COG6: variants seen among roughly 807,000 people sequenced by gnomAD.
COG6 encodes the protein conserved oligomeric Golgi complex subunit 6.
In COG6, 74 loss-of-function variants were observed where a neutral mutation model predicts 88.8. The observed-to-expected ratio is 0.83, with a 90% confidence interval of 0.69 to 1.01. COG6 has a LOEUF of 1.01. Among genes scored for constraint, COG6 ranks in the 50% least tolerant of loss-of-function variants. The pLI, the probability that COG6 is intolerant of heterozygous loss-of-function variation, is 0.00. For missense variants in COG6, 800 were observed against 797.9 expected (o/e 1.00, Z -0.03); for synonymous variants, 286 against 278.7 (o/e 1.03, Z -0.26).
At chr13:39,706,255 T>TTA (rs71298976) in intron 13 of COG6, among the ~76,000 whole-genome samples, 43,391 of 114,554 alleles carry the variant, frequency 0.38, 9,798 homozygotes, top group Non-Finnish European at 0.46. Context: ...ATATACTCCT[T>TTA]TATATATATA....
intron 18 of COG6, among the ~76,000 whole-genome samples, chr13:39,772,483 G>T (rs890593242): frequency 1.3e-5 from 2 of 152,198 alleles, no homozygotes; most frequent in African/African-American, 4.8e-5. Flanking sequence ...TTTGAGGGTT[G>T]AGGGCTGGAT....
intron 18 of COG6, among the ~76,000 whole-genome samples, chr13:39,745,784 G>A (rs556361933): frequency 6.6e-6 from 1 of 152,128 alleles, no homozygotes; most frequent in East Asian, 1.9e-4. Flanking sequence ...ACATGCACAC[G>A]TATGTTTATT....
At chr13:39,669,571 A>G (rs1028965400) in intron 4 of COG6, among the ~76,000 whole-genome samples, 10 of 152,222 alleles carry the variant, frequency 6.6e-5, no homozygotes, top group African/African-American at 2.2e-4. Context: ...TACAGATTCA[A>G]TAAATAATTT....
At chr13:39,672,499 A>G (rs766746625) in intron 4 of COG6, among the ~76,000 whole-genome samples, 1 of 152,012 alleles carries the variant, frequency 6.6e-6, no homozygotes, top group Non-Finnish European at 1.5e-5. Flanking sequence ...TCATGCAAAT[A>G]AGATCATACA....
chr13:39,672,874 T>G (rs1875735811), intron 4 of COG6, among the ~76,000 whole-genome samples: 1 of 152,044 alleles, frequency 6.6e-6, no homozygotes, highest in South Asian at 2.1e-4. Flanking sequence ...CATATGAGGA[T>G]TCCAGTTTCT....
intron 16 of COG6, among the ~76,000 whole-genome samples, chr13:39,723,865 T>G (rs1028008353): frequency 6.6e-6 from 1 of 152,090 alleles, no homozygotes; most frequent in Non-Finnish European, 1.5e-5. Flanking sequence ...AGCAGTCATC[T>G]TCTTTTTAAT....
intron 11 of COG6, among the ~76,000 whole-genome samples, chr13:39,693,194 G>A (rs1462698567): frequency 6.6e-6 from 1 of 151,960 alleles, no homozygotes; most frequent in East Asian, 1.9e-4. Flanking sequence ...TATTGTAGCT[G>A]TTGTATTCTT....
chr13:39,660,247 G>C (rs1874812136), intron 2 of COG6, among the ~76,000 whole-genome samples: 1 of 152,060 alleles, frequency 6.6e-6, no homozygotes, highest in Admixed American at 6.6e-5. Flanking sequence ...TGTAGTGGCT[G>C]TTCCCAGGTA....
rs1159238506 is a variant in COG6, at chr13:39,699,525, T to C, written c.1191T>C (p.Thr397=). 1 of 1,585,116 alleles carries C rather than the reference T, an allele frequency of 6.3e-7. No homozygotes were observed. Among genetic ancestry groups the C allele is most frequent in the Middle Eastern group, 1.7e-4 (1 of 5,948 alleles). The part of the protein sequence containing the change: ...TISGIVGNSA[T]ALLTTIEEMH... ...GTGGTATTGTTGGAAATAGTGCAAC[T>C]GCATTATTGACTACCATTGAAGAAA... Residue 397 remains threonine, a synonymous_variant, in exon 13 of 19, where the codon ACT becomes ACC. Transcript: ENST00000455146.
At chr13:39,689,927 AT>A (rs1400258996) in intron 11 of COG6, 103 bp downstream of exon 11, 1 of 723,260 alleles carries the variant, frequency 1.4e-6, no homozygotes, top group Non-Finnish European at 2.4e-6. Context: ...ACAATCTATA[AT>A]TTTTTCAAAT....
At chr13:39,714,369 C>G (rs1314379567) in intron 13 of COG6, among the ~76,000 whole-genome samples, 1 of 151,372 alleles carries the variant, frequency 6.6e-6, no homozygotes, top group Admixed American at 6.6e-5. Flanking sequence ...TATTTGCAAA[C>G]TACGTATCTG....
At chr13:39,761,711 C>T (rs958216260) in intron 18 of COG6, among the ~76,000 whole-genome samples, 19 of 149,714 alleles carry the variant, frequency 1.3e-4, no homozygotes, top group African/African-American at 3.9e-4. Flanking sequence ...TAAAAATGGG[C>T]GAAAGAGCCA....
intron 10 of COG6, among the ~76,000 whole-genome samples, chr13:39,688,909 T>G (rs1424320711): frequency 6.6e-6 from 1 of 152,168 alleles, no homozygotes; most frequent in Non-Finnish European, 1.5e-5. Context: ...CTATTTTACA[T>G]AGCTCAGCCA....
At chr13:39,776,606 C>G (rs1881470839) in intron 18 of COG6, among the ~76,000 whole-genome samples, 1 of 152,070 alleles carries the variant, frequency 6.6e-6, no homozygotes, top group Admixed American at 6.6e-5. Flanking sequence ...GTTCTGCAGC[C>G]CTGTTATAAA....
At chr13:39,784,761 A>C (rs1881723917) in intron 18 of COG6, among the ~76,000 whole-genome samples, 1 of 152,154 alleles carries the variant, frequency 6.6e-6, no homozygotes, top group Non-Finnish European at 1.5e-5. Flanking sequence ...TTTTCAAGAG[A>C]ATAGAAAGAG....
intron 13 of COG6, among the ~76,000 whole-genome samples, chr13:39,707,221 C>T (rs776579115): frequency 4.0e-5 from 6 of 150,576 alleles, no homozygotes; most frequent in Non-Finnish European, 7.4e-5. Context: ...TTCTGCCTCC[C>T]GGGTTCAAGT....
At chr13:39,739,239 A>G (rs1165339001) in intron 18 of COG6, among the ~76,000 whole-genome samples, 1 of 152,122 alleles carries the variant, frequency 6.6e-6, no homozygotes, top group Admixed American at 6.5e-5. Flanking sequence ...TTTTCTTTAT[A>G]AATTCCAAGC....
intron 4 of COG6, among the ~76,000 whole-genome samples, chr13:39,666,302 G>C (rs1379442227): frequency 2.0e-5 from 3 of 152,190 alleles, no homozygotes; most frequent in Non-Finnish European, 4.4e-5. Flanking sequence ...TCTGGAGGTT[G>C]AGGTGGGAAG....
chr13:39,656,155 G>C (rs1297935473), intron 1 of COG6: 1 of 612,172 alleles, frequency 1.6e-6, no homozygotes, highest in African/African-American at 1.8e-5. Flanking sequence ...GGTGAACGGT[G>C]GTGCCTCGAG....
Sources: allele counts gnomAD v4.1 joint callset (sites outside exome capture counted in the v4.1 genomes callset), GRCh38; gene constraint gnomAD v4.1.1; transcripts MANE v1.5; gene names NCBI Gene and HGNC (gene_info 2026-07-23, HGNC 2026-07-21).